Variants in GOLGB1 observed in about 807,000 individuals in gnomAD.
The protein encoded by GOLGB1 is golgin subfamily B member 1.
A neutral mutation model predicts 336.9 loss-of-function variants in GOLGB1; 174 were observed. The ratio of observed to expected loss-of-function variants is 0.52; its 90% CI spans 0.46 to 0.59. The LOEUF (loss-of-function observed/expected upper bound fraction) is 0.59, where lower values mean the gene tolerates loss of function less well. Ranked by LOEUF, GOLGB1 falls within the 20% of genes least tolerant of loss-of-function variation. GOLGB1 has a pLI of 0.00. For missense variants in GOLGB1, 3,331 were observed against 3,645.3 expected, an observed-to-expected ratio of 0.91 and a Z score of 2.22; for synonymous variants, 1,208 against 1,289.2, an observed-to-expected ratio of 0.94 and a Z score of 1.35.
In GOLGB1 at chr3:121,664,516, A is replaced by G. The variant is rs752357021; in HGVS notation, c.9759T>C (p.His3253=). The G allele has an allele frequency of 9.9e-6, 16 of 1,613,672 alleles. No individual in the cohort carries two copies. The Admixed American group carries it at 1.5e-4, about 15-fold the overall frequency. ...LLAAIYFLMI[H]VLLILCFTGH... ...CCGTAAAACACAGAATGAGCAGGAC[A>G]TGAATCATTAGAAAGTAGATGGCTG... The change falls in exon 22 of 22, where the codon CAT becomes CAC. Residue 3253 remains histidine, a synonymous_variant. Coordinates refer to ENST00000614479, the MANE Select transcript of GOLGB1 (RefSeq NM_001366282.2).
chr3:121,673,685 TGCTA>T (rs1301256245), intron 17 of GOLGB1, among the ~76,000 whole-genome samples: 7 of 139,256 alleles, frequency 5.0e-5, no homozygotes, highest in African/African-American at 1.6e-4. Flanking sequence ...TAAATGGGAT[TGCTA>T]TCTATCTATC....
intron 1 of GOLGB1, among the ~76,000 whole-genome samples, chr3:121,745,272 A>G (rs148510736): frequency 0.018 from 2,632 of 147,614 alleles, 84 homozygotes; most frequent in African/African-American, 0.063. Context: ...CTATGTATGT[A>G]TATGTATATA....
At chr3:121,688,704 C>A (rs1265380458) in intron 14 of GOLGB1, among the ~76,000 whole-genome samples, 1 of 150,078 alleles carries the variant, frequency 6.7e-6, no homozygotes, top group Non-Finnish European at 1.5e-5. Context: ...AAGTGAGGAG[C>A]GTCTCTGCCC....
intron 1 of GOLGB1, among the ~76,000 whole-genome samples, chr3:121,742,198 G>A (rs959743773): frequency 3.9e-5 from 6 of 152,034 alleles, no homozygotes; most frequent in South Asian, 2.1e-4. Flanking sequence ...GAGGCATCAC[G>A]CTACCTGACT....
intron 1 of GOLGB1, among the ~76,000 whole-genome samples, chr3:121,743,131 T>C (rs1429793864): frequency 6.6e-6 from 1 of 152,178 alleles, no homozygotes; most frequent in East Asian, 1.9e-4. Flanking sequence ...ACCCAAAGGA[T>C]TATAAATCAT....
Position 121,681,668 on chromosome 3 carries a change from G to A in GOLGB1, c.8873+19C>T, listed in dbSNP as rs1487919452. Reference sequence around the variant, plus strand: ...AGTTAAAATGAAAAGAGTTGAAAAGGAGGGATTATATATAGTACCTGAGCT... The same window carrying A: ...AGTTAAAATGAAAAGAGTTGAAAAGAAGGGATTATATATAGTACCTGAGCT... On this transcript the variant is annotated intron_variant, in intron 15 of 21. Coordinates refer to ENST00000614479, the MANE Select transcript of GOLGB1 (RefSeq NM_001366282.2). 6 of 1,499,244 alleles carry A rather than the reference G, an allele frequency of 4.0e-6. No individual in the cohort carries two copies. Among genetic ancestry groups the A allele is most frequent in the Non-Finnish European group, 5.4e-6 (6 of 1,104,226 alleles). 92.9% of individuals were successfully genotyped at this position (1,499,244 alleles called of 1,614,324 possible).
At chr3:121,715,064 T>C in intron 9 of GOLGB1, 88 bp from the exon 10 acceptor site, 2 of 704,430 alleles carry the variant, frequency 2.8e-6, no homozygotes, top group Admixed American at 2.5e-5. Context: ...CTGTATGCTG[T>C]TTACTAGTTT....
intron 11 of GOLGB1, 40 bp downstream of exon 11, chr3:121,702,441 G>T: frequency 1.2e-6 from 1 of 844,242 alleles, no homozygotes; most frequent in Non-Finnish European, 1.7e-6. Context: ...GCACTTGTGG[G>T]ATAAGAAGAC....
Position 121,663,704 on chromosome 3 carries a change from C to T in GOLGB1, c.*776G>A, listed in dbSNP as rs1938215154. The T allele has an allele frequency of 6.6e-6, 1 of 152,110 alleles. No homozygotes were observed. Among genetic ancestry groups the T allele is most frequent in the Non-Finnish European group, 1.5e-5 (1 of 68,022 alleles). The allele number at this position is 152,110 out of a possible 1,614,324, so 9.4% of individuals were successfully genotyped here. On this transcript the variant is annotated 3_prime_UTR_variant, in exon 22 of 22. Transcript: ENST00000614479. ...ACATTCCAGGAATATTCAGATATTC[C>T]TGGAATGACAAGAATTGGAACCCTG...
Position 121,699,852 on chromosome 3 carries a change from G to A in GOLGB1, c.1553C>T (p.Ala518Val). 6.2e-7 allele frequency: 1 copy of A among 1,604,428 alleles called. No homozygotes were observed. The stretch of plus-strand genomic sequence containing the variant: ...GTCTGCCTCCCCAGTTCTATTCTGA[G>A]CCTCTAGGAGAGTAATCTGAGAAGA... Reference protein sequence around the residue: ...KLSSQITLLEAQNRTGEADRE... With the variant: ...KLSSQITLLEVQNRTGEADRE... The change falls in exon 12 of 22, where the codon GCT becomes GTT. Residue 518 changes from alanine to valine, a missense_variant. By Grantham distance (64) the Ala-to-Val change is moderately conservative. Transcript: ENST00000614479.
chr3:121,749,754 T>G (rs1048752728), upstream of GOLGB1: 5 of 152,392 alleles, frequency 3.3e-5, no homozygotes, highest in African/African-American at 1.2e-4. Flanking sequence ...CCACTAGCAG[T>G]TGGGACGGAA....
intron 15 of GOLGB1, 98 bp downstream of exon 15, chr3:121,681,589 A>T: frequency 1.2e-6 from 1 of 809,192 alleles, no homozygotes; most frequent in Non-Finnish European, 2.0e-6. Flanking sequence ...GGTGAAGGGT[A>T]CATAGAAGCT....
intron 17 of GOLGB1, among the ~76,000 whole-genome samples, chr3:121,669,771 C>T (rs560921756): frequency 1.3e-5 from 2 of 152,202 alleles, no homozygotes; most frequent in Admixed American, 6.5e-5. Context: ...AGAGCTGTCA[C>T]CCCAAAATCT....
In GOLGB1 at chr3:121,694,888, G is replaced by A. The variant is rs367925233; in HGVS notation, c.5635C>T (p.Leu1879=). ...QTLENEKNTL[L]SQISTKDGEL... ...CCATCCTTTGTTGATATCTGACTCA[G>A]TAAGGTATTTTTCTCATTTTCTAAA... Residue 1879 remains leucine (L), a synonymous_variant, in exon 13 of 22, where the codon CTG becomes TTG. Transcript: ENST00000614479. 5.6e-6 allele frequency: 9 copies of A among 1,613,532 alleles called. No individual in the cohort carries two copies. Among genetic ancestry groups the A allele is most frequent in the Non-Finnish European group, 7.6e-6 (9 of 1,179,512 alleles).
chr3:121,731,930 G>T (rs1230904712), intron 1 of GOLGB1, among the ~76,000 whole-genome samples: 1 of 151,912 alleles, frequency 6.6e-6, no homozygotes, highest in Non-Finnish European at 1.5e-5. Context: ...CTCTAGTCAA[G>T]ATGACCAAGA....
At chr3:121,716,210 G>A (rs1944761147) in intron 9 of GOLGB1, among the ~76,000 whole-genome samples, 1 of 151,940 alleles carries the variant, frequency 6.6e-6, no homozygotes. Context: ...TTTTTTATAG[G>A]CACATATTAC....
chr3:121,679,984 C>T (rs1312777495), intron 15 of GOLGB1, among the ~76,000 whole-genome samples: 1 of 152,164 alleles, frequency 6.6e-6, no homozygotes, highest in Non-Finnish European at 1.5e-5. Context: ...AACCATTCCC[C>T]ATAGTGTCAG....
chr3:121,736,215 G>T (rs182284560), intron 1 of GOLGB1, among the ~76,000 whole-genome samples: 29 of 152,238 alleles, frequency 1.9e-4, no homozygotes, highest in African/African-American at 7.0e-4. Flanking sequence ...CTCTAAAAAT[G>T]GAGCTTAATT....
In GOLGB1 at chr3:121,696,557, C is replaced by T. The variant is rs1942966020; in HGVS notation, c.3966G>A (p.Glu1322=). The change falls in exon 13 of 22, where the codon GAG becomes GAA. Residue 1322 remains glutamate (E), a synonymous_variant. Coordinates refer to ENST00000614479, the MANE Select transcript of GOLGB1 (RefSeq NM_001366282.2). ...IKAQLKEIEA[E]KVELELKVSS... Reference sequence around the variant, plus strand: ...TAACTTTCAATTCTAACTCTACTTTCTCAGCCTCTATTTCCTTCAGCTGGG... The same window carrying T: ...TAACTTTCAATTCTAACTCTACTTTTTCAGCCTCTATTTCCTTCAGCTGGG... The T allele has an allele frequency of 1.9e-6, 3 of 1,614,164 alleles. No homozygotes were observed. Among genetic ancestry groups the T allele is most frequent in the Non-Finnish European group, 2.5e-6 (3 of 1,180,020 alleles).
Sources: allele counts gnomAD v4.1 joint callset (sites outside exome capture counted in the v4.1 genomes callset), GRCh38; gene constraint gnomAD v4.1.1; transcripts MANE v1.5; gene names NCBI Gene and HGNC (gene_info 2026-07-23, HGNC 2026-07-21).